The following JAML variants were observed in gnomAD, a reference collection of about 807,000 sequenced individuals.
JAML encodes junctional adhesion molecule-like.
JAML carries 25 observed loss-of-function variants against 39.3 expected under a neutral mutation model. The ratio of observed to expected loss-of-function variants is 0.64; its 90% confidence interval spans 0.46 to 0.89. JAML has a LOEUF of 0.89. Ranked by LOEUF, JAML falls within the 40% of genes least tolerant of loss-of-function variation. JAML has a pLI of 0.00. For synonymous variants in JAML, 162 were observed against 179.2 expected, an observed-to-expected ratio of 0.90 and a Z score of 0.77; for missense variants, 440 against 486.9, an observed-to-expected ratio of 0.90 and a Z score of 0.91.
At chr11:118,206,246 C>A (rs568190850) in intron 4 of JAML, among the ~76,000 whole-genome samples, 3 of 152,316 alleles carry the variant, frequency 2.0e-5, no homozygotes, top group Non-Finnish European at 4.4e-5. Context: ...CCTCTAGCTG[C>A]CCACATGTAC....
chr11:118,203,665 C>T lies in JAML; in HGVS notation c.535G>A (p.Glu179Lys), dbSNP rs368408780. Reference sequence around the variant, plus strand: ...TGGTAGTAACGAAATACAATCTCCTCCTAGAAGTGAAAGACAAAAAGTATG... The same window carrying T: ...TGGTAGTAACGAAATACAATCTCCTTCTAGAAGTGAAAGACAAAAAGTATG... ...EWIFSGRRAKEEIVFRYYHKL... is the reference protein window; with the variant it reads ...EWIFSGRRAKKEIVFRYYHKL... The change falls in exon 6 of 10, where the codon GAG becomes AAG. Residue 179 changes from glutamate to lysine, a missense_variant and splice_region_variant. Glu to Lys is a moderately conservative substitution (Grantham distance 56, BLOSUM62 1). Transcript: ENST00000356289. The T allele has an allele frequency of 1.8e-5, 29 of 1,607,580 alleles. No homozygotes were observed. The Admixed American group carries it at 3.0e-4, about 17-fold the overall frequency.
intron 4 of JAML, chr11:118,209,178 C>T (rs1948989304): frequency 1.7e-5 from 5 of 285,850 alleles, no homozygotes; most frequent in Non-Finnish European, 6.9e-6. Flanking sequence ...GTCTCAGCTG[C>T]ATTCCTTTCA....
chr11:118,217,992 C>T (rs1335085829), intron 1 of JAML, among the ~76,000 whole-genome samples: 1 of 152,252 alleles, frequency 6.6e-6, no homozygotes, highest in African/African-American at 2.4e-5. Context: ...CAGGCCTTCA[C>T]CCAGTTAACA....
At position 118,203,614 on chromosome 11, in the gene JAML, A is replaced by T. The variant is rs143375743; in HGVS notation, c.586T>A (p.Ser196Thr). The change falls in exon 6 of 10, where the codon TCC becomes ACC. Residue 196 changes from serine to threonine, a missense_variant. Transcript: ENST00000356289. ...YHKLRMSVEYSQSWGHFQNRV... is the reference protein window; with the variant it reads ...YHKLRMSVEYTQSWGHFQNRV... Reference sequence around the variant, plus strand: ...TTCTGGAAGTGGCCCCAGCTCTGGGAGTACTCCACAGACATCCTGAGTTTG... The same window carrying T: ...TTCTGGAAGTGGCCCCAGCTCTGGGTGTACTCCACAGACATCCTGAGTTTG... 3.9e-5 allele frequency: 63 copies of T among 1,614,122 alleles called. No homozygotes were observed. In the African/African-American group the frequency reaches 5.9e-4, roughly 15 times the overall value.
chr11:118,223,709 ACT>A (rs988579683), intron 1 of JAML, among the ~76,000 whole-genome samples: 1 of 151,816 alleles, frequency 6.6e-6, no homozygotes, highest in African/African-American at 2.4e-5. Context: ...ACTTGTAGTG[ACT>A]CTATACTAAT....
At chr11:118,207,212 T>G (rs951939517) in intron 4 of JAML, among the ~76,000 whole-genome samples, 3 of 152,248 alleles carry the variant, frequency 2.0e-5, no homozygotes, top group Non-Finnish European at 2.9e-5. Flanking sequence ...ACTCTATTTT[T>G]AAAATGCAAT....
chr11:118,216,808 C>T (rs1038259761), intron 1 of JAML, among the ~76,000 whole-genome samples: 1 of 152,158 alleles, frequency 6.6e-6, no homozygotes, highest in African/African-American at 2.4e-5. Flanking sequence ...TCAGGAGTCA[C>T]ATAGATTCCC....
At chr11:118,196,540 C>A (rs1274673507) in intron 9 of JAML, among the ~76,000 whole-genome samples, 195 bp downstream of exon 9, 1 of 152,180 alleles carries the variant, frequency 6.6e-6, no homozygotes, top group Non-Finnish European at 1.5e-5. Flanking sequence ...TGGTGATAAC[C>A]TTTAATCCTT....
chr11:118,213,385 C>CT, intron 2 of JAML: 1 of 969,624 alleles, frequency 1.0e-6, no homozygotes, highest in Non-Finnish European at 1.2e-6. Context: ...ATGTGCCAGT[C>CT]TTTTCATCCA....
intron 2 of JAML, among the ~76,000 whole-genome samples, chr11:118,214,571 G>C (rs1283291621): frequency 6.6e-6 from 1 of 152,170 alleles, no homozygotes; most frequent in African/African-American, 2.4e-5. Flanking sequence ...TGTCACGTAA[G>C]AGGGTCCCAG....
At chr11:118,201,062 CT>C (rs1399995655) in intron 6 of JAML, 1 of 158,664 alleles carries the variant, frequency 6.3e-6, no homozygotes, top group Non-Finnish European at 1.4e-5. Flanking sequence ...TTCTACTCAT[CT>C]GCATGGTTCT....
intron 2 of JAML, 164 bp from the exon 3 acceptor site, chr11:118,212,725 A>T (rs1302293513): frequency 5.9e-6 from 9 of 1,514,520 alleles, no homozygotes; most frequent in Non-Finnish European, 7.9e-6. Flanking sequence ...CCTGTCCTCT[A>T]GTTACCTATA....
intron 1 of JAML, among the ~76,000 whole-genome samples, chr11:118,219,835 C>T (rs1591482647): frequency 6.6e-6 from 1 of 152,238 alleles, no homozygotes; most frequent in East Asian, 1.9e-4. Context: ...AGCTGAAGGT[C>T]CTGGCCAGGG....
chr11:118,217,689 G>A (rs534230769), intron 1 of JAML, among the ~76,000 whole-genome samples: 50 of 152,222 alleles, frequency 3.3e-4, no homozygotes, highest in African/African-American at 1.2e-3. Flanking sequence ...CAGGCCCTGG[G>A]TGCTTTACAC....
chr11:118,202,807 A>C, intron 6 of JAML: 1 of 382,220 alleles, frequency 2.6e-6, no homozygotes, highest in Non-Finnish European at 5.2e-6. Flanking sequence ...CAAAGTCCAC[A>C]GGCCACATCC....
In JAML at chr11:118,197,999, T is replaced by A; in HGVS notation, c.1004A>T (p.Glu335Val). The change falls in exon 8 of 10, where the codon GAG (glutamate) becomes GTG (valine). Residue 335 changes from glutamate to valine, a missense_variant and splice_region_variant. Glu to Val is a moderately radical substitution (Grantham distance 121). Transcript: ENST00000356289. Reference sequence around the variant, plus strand: ...TTTTAGGCTGAAGCGTGTGTTCACCTCCCCTTCACATCTTTCAAAATGGCA... The same window carrying A: ...TTTTAGGCTGAAGCGTGTGTTCACCACCCCTTCACATCTTTCAAAATGGCA... ...KPCHFERCEG[E>V]KHIYSPIIVR... 6.2e-7 allele frequency: 1 copy of A among 1,613,288 alleles called. No individual in the cohort carries two copies. The highest frequency in any genetic ancestry group is 8.5e-7 in the Non-Finnish European group (1 of 1,179,200).
chr11:118,210,580 G>C lies in JAML; in HGVS notation c.331C>G (p.Gln111Glu). 1 of 1,614,160 alleles carries C rather than the reference G, an allele frequency of 6.2e-7. No individual in the cohort carries two copies. The highest frequency in any genetic ancestry group is 8.5e-7 in the Non-Finnish European group (1 of 1,180,016). Reference sequence around the variant, plus strand: ...CGGATTTCACAGATATAGGTTCCCTGGTCAGCCTCTTGCACATCTTGGAGC... The same window carrying C: ...CGGATTTCACAGATATAGGTTCCCTCGTCAGCCTCTTGCACATCTTGGAGC... ...LLLQDVQEADQGTYICEIRLK... is the reference protein window; with the variant it reads ...LLLQDVQEADEGTYICEIRLK... The change falls in exon 4 of 10, where the codon CAG (glutamine) becomes GAG (glutamate). Residue 111 changes from glutamine to glutamate, a missense_variant. By Grantham distance (29) the Gln-to-Glu change is conservative. Transcript: ENST00000356289.
At chr11:118,220,702 C>A (rs971669630) in intron 1 of JAML, among the ~76,000 whole-genome samples, 1 of 152,196 alleles carries the variant, frequency 6.6e-6, no homozygotes, top group Non-Finnish European at 1.5e-5. Context: ...GATTTAGAAG[C>A]CCTCAGCTCC....
At chr11:118,223,547 C>T (rs1307953795) in intron 1 of JAML, among the ~76,000 whole-genome samples, 4 of 152,002 alleles carry the variant, frequency 2.6e-5, no homozygotes, top group African/African-American at 7.3e-5. Context: ...TTTTAATAAA[C>T]AACAGAAAAA....
Sources: gnomAD v4.1 joint callset for allele counts (sites outside exome capture counted in the v4.1 genomes callset) on GRCh38, gnomAD v4.1.1 for gene constraint, MANE v1.5 for transcripts, NCBI Gene and HGNC (gene_info 2026-07-23, HGNC 2026-07-21) for gene names.